The following KAT6A variants were observed in gnomAD, a reference collection of about 807,000 sequenced individuals.
The protein encoded by KAT6A is histone acetyltransferase KAT6A.
In KAT6A, 9 loss-of-function variants were observed where a neutral mutation model predicts 198.4. The ratio of observed to expected loss-of-function variants is 0.05; its 90% CI spans 0.03 to 0.08. The LOEUF (loss-of-function observed/expected upper bound fraction) is 0.08, where lower values mean the gene tolerates loss of function less well. Ranked by LOEUF, KAT6A falls within the 10% of genes least tolerant of loss-of-function variation. KAT6A has a pLI of 1.00. For missense variants in KAT6A, 2,077 were observed against 2,509.9 expected (o/e 0.83, Z 3.69); for synonymous variants, 890 against 883.0 (o/e 1.01, Z -0.14).
intron 2 of KAT6A, among the ~76,000 whole-genome samples, chr8:42,025,642 A>G (rs1826775833): frequency 6.6e-6 from 1 of 152,136 alleles, no homozygotes; most frequent in Non-Finnish European, 1.5e-5. Flanking sequence ...TTCCTTGTAC[A>G]TTCTAGATAT....
At chr8:42,035,447 T>C (rs1402849345) in intron 2 of KAT6A, among the ~76,000 whole-genome samples, 1 of 151,478 alleles carries the variant, frequency 6.6e-6, no homozygotes, top group African/African-American at 2.4e-5. Flanking sequence ...AACACAGAGG[T>C]CTAGAAATAA....
intron 8 of KAT6A, among the ~76,000 whole-genome samples, chr8:41,969,955 A>C (rs916420127): frequency 2.6e-5 from 4 of 152,168 alleles, no homozygotes; most frequent in African/African-American, 9.7e-5. Flanking sequence ...ATAAATTGTT[A>C]CTTCTTCAAA....
chr8:42,030,726 G>T (rs1827066211), intron 2 of KAT6A, among the ~76,000 whole-genome samples: 2 of 151,868 alleles, frequency 1.3e-5, no homozygotes. Context: ...CACCACACCT[G>T]ACAAATTTTT....
chr8:41,995,570 A>C (rs1300998262), intron 2 of KAT6A, among the ~76,000 whole-genome samples: 1 of 152,198 alleles, frequency 6.6e-6, no homozygotes, highest in East Asian at 1.9e-4. Context: ...ACCATGAAAT[A>C]ATTTTTAATC....
At position 41,931,351 on chromosome 8, in the gene KAT6A, T is replaced by C. The variant is rs1248097037; in HGVS notation, c.*854A>G. ...CCTCTTTTTGATTGTTAATTGACCA[T>C]CTCTATTCCTCCAAAGGCTGGATTT... is the stretch of plus-strand genomic sequence containing the variant. On this transcript the variant is annotated 3_prime_UTR_variant, in exon 17 of 17. Coordinates refer to ENST00000265713, the MANE Select transcript of KAT6A (RefSeq NM_006766.5). The C allele has an allele frequency of 4.6e-6, 1 of 217,038 alleles. No individual in the cohort carries two copies. The highest frequency in any genetic ancestry group is 6.8e-5 in the East Asian group (1 of 14,694). The allele number at this position is 217,038 out of a possible 1,614,324, so 13.4% of individuals were successfully genotyped here. A position where few individuals can be genotyped will look rare whatever the true frequency, so the allele number is the denominator to read the frequency against.
intron 2 of KAT6A, among the ~76,000 whole-genome samples, chr8:41,989,767 G>T (rs1019313007): frequency 6.6e-6 from 1 of 152,110 alleles, no homozygotes; most frequent in African/African-American, 2.4e-5. Context: ...ATGAAGAAGA[G>T]AGCTAAGGTG....
In KAT6A at chr8:41,937,540, A is replaced by T. The variant is rs1169081798; in HGVS notation, c.3068T>A (p.Val1023Asp). Reference sequence around the variant, plus strand: ...GCTATTGTGGTGTTTGCGCTTTCGGACTCTCCTCCTTCGGTGGAGAAATGG... The same window carrying T: ...GCTATTGTGGTGTTTGCGCTTTCGGTCTCTCCTCCTTCGGTGGAGAAATGG... ...KKPFLHRRRR[V>D]RKRKHHNSSV... The change falls in exon 16 of 17, where the codon GTC (valine) becomes GAC (aspartate). Residue 1023 changes from valine to aspartate, a missense_variant. Val to Asp is a radical substitution (Grantham distance 152, BLOSUM62 -3). This residue lies in a region of KAT6A where 19 missense variants were observed against 40.5 expected (regional missense o/e 0.47). Coordinates refer to ENST00000265713, the MANE Select transcript of KAT6A (RefSeq NM_006766.5). 2 of 1,612,686 alleles carry T rather than the reference A, an allele frequency of 1.2e-6. No homozygotes were observed. Among genetic ancestry groups the T allele is most frequent in the East Asian group, 4.5e-5 (2 of 44,862 alleles).
chr8:42,036,567 C>T (rs146242817), intron 2 of KAT6A, among the ~76,000 whole-genome samples: 2 of 152,022 alleles, frequency 1.3e-5, no homozygotes, highest in East Asian at 1.9e-4. Flanking sequence ...GAGCAGAGAT[C>T]GCACCACTGC....
intron 2 of KAT6A, among the ~76,000 whole-genome samples, chr8:42,009,878 G>A (rs1388982257): frequency 1.1e-4 from 13 of 117,216 alleles, no homozygotes; most frequent in African/African-American, 4.2e-4. Context: ...CCTGGCGACA[G>A]GACAAAGCCC....
chr8:41,955,212 G>T, intron 9 of KAT6A, 84 bp downstream of exon 9: 2 of 837,254 alleles, frequency 2.4e-6, no homozygotes, highest in Non-Finnish European at 4.1e-6. Context: ...AGGATAAGGT[G>T]GACTCAAACA....
In KAT6A at chr8:41,978,781, TA is replaced by T. The variant is rs748552811; in HGVS notation, c.908-5del. Reference sequence around the variant, plus strand: ...CATATTTGACATATCCACATGCCTATAAAAAAATAAAATTCCACATAGAAGT... The same window carrying T: ...CATATTTGACATATCCACATGCCTATAAAAAATAAAATTCCACATAGAAGT... On this transcript the variant is annotated splice_region_variant and splice_polypyrimidine_tract_variant and intron_variant, in intron 5 of 16. Transcript: ENST00000265713. 5 of 1,611,454 alleles carry T rather than the reference TA, an allele frequency of 3.1e-6. No homozygotes were observed. Among genetic ancestry groups the T allele is most frequent in the Non-Finnish European group, 3.4e-6 (4 of 1,178,858 alleles).
chr8:41,941,379 TTTC>T lies in KAT6A; in HGVS notation c.2499_2501del (p.Lys834del). 6.2e-7 allele frequency: 1 copy of T among 1,610,834 alleles called. No homozygotes were observed. The highest frequency in any genetic ancestry group is 1.1e-5 in the South Asian group (1 of 91,042). On this transcript the variant is annotated inframe_deletion, in exon 15 of 17. Transcript: ENST00000265713. ...AACTGACTGGAGCCATAACTTCTGG[TTTC>T]TTTTCACTTTCTACTGAATAAGAAT...
At position 42,048,424 on chromosome 8, in the gene KAT6A, A is replaced by G. The variant is rs1358366204; in HGVS notation, c.554T>C (p.Leu185Pro). ...AAGGGACACTGGAGGTAAACAGGAA[A>G]GAGACTCACAACTCTCTTTCCCATC... ...NVDGKESCES[L>P]SCLPPVSLLP... Residue 185 changes from leucine (L) to proline (P), a missense_variant, in exon 2 of 17, where the codon CTT becomes CCT. Physicochemically the swap from Leu to Pro is moderately conservative, Grantham distance 98. Around this residue, in one of 13 missense-constraint regions of KAT6A, gnomAD observed 185 missense variants for 185.7 expected, o/e 1.00. Coordinates refer to ENST00000265713, the MANE Select transcript of KAT6A (RefSeq NM_006766.5). 1.3e-5 allele frequency: 21 copies of G among 1,613,988 alleles called. No homozygotes were observed. The highest frequency in any genetic ancestry group is 1.7e-5 in the Non-Finnish European group (20 of 1,179,880).
intron 2 of KAT6A, among the ~76,000 whole-genome samples, chr8:42,039,795 G>A (rs1353246429): frequency 2.0e-5 from 3 of 151,644 alleles, no homozygotes; most frequent in East Asian, 1.9e-4. Context: ...GTGCAGTAGC[G>A]CAATCTCGGC....
rs772252492 is a variant in KAT6A, at chr8:42,016,280, G to A, written c.601-28717C>T. Among the ~76,000 whole-genome samples the A allele has an allele frequency of 6.6e-5, 10 of 152,170 alleles. No homozygotes were observed. The East Asian group carries it at 7.7e-4, about 12-fold the overall frequency. ...TTCTCTGAACACATTCAGGAACTGC[G>A]TGCCAAGGAAGCAATTTGAGAAACA... On this transcript the variant is annotated intron_variant, in intron 2 of 16. Transcript: ENST00000265713.
intron 11 of KAT6A, 62 bp downstream of exon 11, chr8:41,947,689 C>A: frequency 1.5e-6 from 2 of 1,368,130 alleles, no homozygotes; most frequent in Non-Finnish European, 2.0e-6. Flanking sequence ...CGAGTGAGAA[C>A]CAGCAAAGAT....
rs1165843199 is a variant in KAT6A, at chr8:41,934,577, C to CTTT, written c.3640_3642dup (p.Lys1214dup). 23 of 1,613,942 alleles carry CTTT rather than the reference C, an allele frequency of 1.4e-5. No homozygotes were observed. The highest frequency in any genetic ancestry group is 1.9e-5 in the Non-Finnish European group (22 of 1,180,022). On this transcript the variant is annotated inframe_insertion, in exon 17 of 17. Transcript: ENST00000265713. ...CTCTCCTCGGGTAGGGGCATGTCTT[C>CTTT]TTTTGGCTCAACAGTTTCTTCACTC...
At chr8:42,036,550 T>C (rs1220626380) in intron 2 of KAT6A, among the ~76,000 whole-genome samples, 6 of 151,738 alleles carry the variant, frequency 4.0e-5, no homozygotes, top group African/African-American at 7.3e-5. Flanking sequence ...GAGATGGAGG[T>C]TGCAGTGAGC....
intron 2 of KAT6A, among the ~76,000 whole-genome samples, chr8:42,039,329 G>A (rs1438665001): frequency 1.3e-5 from 2 of 152,036 alleles, no homozygotes; most frequent in Non-Finnish European, 2.9e-5. Flanking sequence ...CACTCTCCAG[G>A]TCACCAGAAA....
Sources: gnomAD v4.1 joint callset for allele counts (sites outside exome capture counted in the v4.1 genomes callset) on GRCh38, gnomAD v4.1.1 for gene constraint, gnomAD v4.1.1 regional missense constraint, MANE v1.5 for transcripts, NCBI Gene and HGNC (gene_info 2026-07-23, HGNC 2026-07-21) for gene names.